INPP4B: variants seen among roughly 807,000 people sequenced by gnomAD.
INPP4B encodes the protein inositol polyphosphate 4-phosphatase type II.
Under a neutral mutation model 122.5 loss-of-function variants are expected in INPP4B, and 55 were observed. The ratio of observed to expected loss-of-function variants is 0.45; its 90% CI spans 0.36 to 0.56. The LOEUF is 0.56. Among genes scored for constraint, INPP4B ranks in the 20% least tolerant of loss-of-function variants. The pLI, the probability that INPP4B is intolerant of heterozygous loss-of-function variation, is 0.00. For synonymous variants in INPP4B, 403 were observed against 388.7 expected (o/e 1.04, Z -0.43); for missense variants, 1,000 against 1,097.7 (o/e 0.91, Z 1.26).
At chr4:142,224,772 AC>A (rs1274025532) in intron 12 of INPP4B, among the ~76,000 whole-genome samples, 8 of 152,190 alleles carry the variant, frequency 5.3e-5, no homozygotes, top group Non-Finnish European at 1.0e-4. Flanking sequence ...TTAGTGCTAA[AC>A]AAAATGTATA....
intron 1 of INPP4B, among the ~76,000 whole-genome samples, chr4:142,789,539 T>G (rs1418404209): frequency 6.6e-6 from 1 of 151,958 alleles, no homozygotes; most frequent in Non-Finnish European, 1.5e-5. Flanking sequence ...GTATATTTTG[T>G]AATTTTCCTT....
intron 25 of INPP4B, among the ~76,000 whole-genome samples, chr4:142,041,372 C>T (rs139071523): frequency 0.011 from 1,610 of 152,200 alleles, 31 homozygotes; most frequent in African/African-American, 0.037. Flanking sequence ...AATCCCAGCA[C>T]TTTGGGAGGC....
intron 2 of INPP4B, 75 bp downstream of exon 2, chr4:142,725,764 A>G: frequency 2.5e-6 from 1 of 396,248 alleles, no homozygotes; most frequent in Non-Finnish European, 4.5e-6. Flanking sequence ...TCTAAAACGA[A>G]TAATCAAGGA....
At chr4:142,408,313 G>T (rs1803873737) in intron 5 of INPP4B, among the ~76,000 whole-genome samples, 1 of 151,728 alleles carries the variant, frequency 6.6e-6, no homozygotes, top group African/African-American at 2.4e-5. Flanking sequence ...CCAGCAATTT[G>T]AGAGGCCGAG....
chr4:142,314,613 A>T, intron 8 of INPP4B, 99 bp downstream of exon 8: 1 of 1,114,044 alleles, frequency 9.0e-7, no homozygotes, highest in Non-Finnish European at 1.3e-6. Flanking sequence ...AATGTAATTC[A>T]ATTTTATTTG....
At chr4:142,253,483 G>T (rs1277796397) in intron 11 of INPP4B, among the ~76,000 whole-genome samples, 1 of 152,190 alleles carries the variant, frequency 6.6e-6, no homozygotes, top group Non-Finnish European at 1.5e-5. Flanking sequence ...GTGGGCGCAG[G>T]TCAGTGGGTG....
At chr4:142,119,107 A>C (rs1304092771) in intron 21 of INPP4B, among the ~76,000 whole-genome samples, 2 of 152,136 alleles carry the variant, frequency 1.3e-5, no homozygotes, top group Non-Finnish European at 2.9e-5. Context: ...TACCATCTCA[A>C]GCCAGTTAGA....
chr4:142,078,475 T>C (rs1772058424), intron 25 of INPP4B, among the ~76,000 whole-genome samples: 1 of 152,132 alleles, frequency 6.6e-6, no homozygotes, highest in Non-Finnish European at 1.5e-5. Flanking sequence ...CTTTATTGTA[T>C]ATTTATTGAG....
At chr4:142,306,229 G>GTTTTTTT (rs5862582) in intron 8 of INPP4B, among the ~76,000 whole-genome samples, 6 of 135,904 alleles carry the variant, frequency 4.4e-5, no homozygotes, top group Non-Finnish European at 4.8e-5. Context: ...ACTCCAAATT[G>GTTTTTTT]TTTTTTTTTT....
chr4:142,496,963 G>T (rs866085306), intron 2 of INPP4B: 1 of 151,806 alleles, frequency 6.6e-6, no homozygotes, highest in Non-Finnish European at 1.5e-5. Flanking sequence ...AAAAGGGGGG[G>T]GGAAGAAAAA....
chr4:142,289,417 TGAA>T (rs1755381498), intron 9 of INPP4B, among the ~76,000 whole-genome samples: 1 of 152,188 alleles, frequency 6.6e-6, no homozygotes, highest in Admixed American at 6.5e-5. Flanking sequence ...GTGCAGGACG[TGAA>T]GGTTTGTTAC....
chr4:142,630,814 G>A (rs1469079510), intron 2 of INPP4B, among the ~76,000 whole-genome samples: 1 of 152,112 alleles, frequency 6.6e-6, no homozygotes, highest in Non-Finnish European at 1.5e-5. Context: ...TGGTAGGTAA[G>A]TCTATCTCTT....
intron 12 of INPP4B, among the ~76,000 whole-genome samples, chr4:142,210,303 G>A (rs1223633277): frequency 2.0e-5 from 3 of 152,156 alleles, no homozygotes; most frequent in Admixed American, 6.6e-5. Context: ...TTGTTCCAAT[G>A]GGATTGCAAT....
chr4:142,112,692 G>A lies in INPP4B; in HGVS notation c.2136-10C>T, dbSNP rs1790824631. 2 of 1,600,878 alleles carry A rather than the reference G, an allele frequency of 1.2e-6. No homozygotes were observed. The highest frequency in any genetic ancestry group is 2.7e-5 in the African/African-American group (2 of 74,322). ...TACCACGTAATGTTCTCTAAAGAAGGCAGAGGACAAAGGGAAGAAACATTA... is the reference window on the plus strand; with the variant it reads ...TACCACGTAATGTTCTCTAAAGAAGACAGAGGACAAAGGGAAGAAACATTA... On this transcript the variant is annotated splice_polypyrimidine_tract_variant and intron_variant, in intron 21 of 25. Transcript: ENST00000262992.
intron 2 of INPP4B, among the ~76,000 whole-genome samples, chr4:142,552,291 G>T (rs1163470535): frequency 6.6e-6 from 1 of 152,188 alleles, no homozygotes; most frequent in African/African-American, 2.4e-5. Context: ...GGTCTGGGTA[G>T]AACCTGAGAT....
intron 25 of INPP4B, among the ~76,000 whole-genome samples, chr4:142,074,446 T>C (rs998457054): frequency 6.6e-6 from 1 of 152,166 alleles, no homozygotes; most frequent in Non-Finnish European, 1.5e-5. Flanking sequence ...CACATGTGCA[T>C]GCCTTGTGGC....
chr4:142,237,014 A>G (rs1425017253), intron 12 of INPP4B, among the ~76,000 whole-genome samples: 1 of 152,190 alleles, frequency 6.6e-6, no homozygotes, highest in African/African-American at 2.4e-5. Context: ...AGGTTTGTTT[A>G]AAAGGCAGAG....
intron 15 of INPP4B, among the ~76,000 whole-genome samples, chr4:142,190,441 C>A (rs997195565): frequency 8.0e-4 from 122 of 152,282 alleles, no homozygotes; most frequent in African/African-American, 2.7e-3. Flanking sequence ...ACTCTGTAAT[C>A]ATTAAGTCTC....
chr4:142,830,658 A>G (rs1447470905), intron 1 of INPP4B, among the ~76,000 whole-genome samples: 2 of 152,006 alleles, frequency 1.3e-5, no homozygotes, highest in Non-Finnish European at 2.9e-5. Flanking sequence ...GCAGGAGGAA[A>G]CAGGATTGAA....
Sources: gnomAD v4.1 joint callset for allele counts (sites outside exome capture counted in the v4.1 genomes callset) on GRCh38, gnomAD v4.1.1 for gene constraint, MANE v1.5 for transcripts, NCBI Gene and HGNC (gene_info 2026-07-23, HGNC 2026-07-21) for gene names.